Variants in C5orf58 observed in about 807,000 individuals in gnomAD.
The protein encoded by C5orf58 is putative uncharacterized protein C5orf58.
Under a neutral mutation model 2.9 loss-of-function variants are expected in C5orf58, and 2 were observed. The ratio of observed to expected loss-of-function variants is 0.69; its 90% CI spans 0.28 to 2.18. The LOEUF (loss-of-function observed/expected upper bound fraction) is 2.18. Ranked by LOEUF, C5orf58 falls within the 30% of genes most tolerant of loss-of-function variation. The pLI is 0.13. For missense variants in C5orf58, 96 were observed against 91.7 expected (o/e 1.05, Z -0.19); for synonymous variants, 37 against 33.4 (o/e 1.11, Z -0.37).
chr5:170,244,934 A>G (rs1207679076), intron 3 of C5orf58, among the ~76,000 whole-genome samples: 2 of 151,876 alleles, frequency 1.3e-5, no homozygotes, highest in Non-Finnish European at 2.9e-5. Context: ...GTCTTTGATG[A>G]TGGTGATGTA....
downstream of C5orf58, chr5:170,248,899 A>ATATTATGCAG: frequency 1.4e-6 from 2 of 1,387,498 alleles, no homozygotes; most frequent in Non-Finnish European, 2.0e-6. Context: ...TTATCTGCAT[A>ATATTATGCAG]ATATATGCTG....
intron 3 of C5orf58, among the ~76,000 whole-genome samples, chr5:170,241,649 G>A (rs1561958834): frequency 2.6e-5 from 4 of 150,998 alleles, no homozygotes; most frequent in Admixed American, 2.6e-4. Context: ...CTTTGCTGAA[G>A]TTGCTTATCA....
At chr5:170,249,657 A>C (rs557064016), downstream of C5orf58, among the ~76,000 whole-genome samples, 3 of 152,206 alleles carry the variant, frequency 2.0e-5, no homozygotes, top group East Asian at 5.8e-4. Context: ...CTGTGTCCTC[A>C]CTGCCACCTT....
chr5:170,240,088 C>G (rs1760926203), intron 3 of C5orf58, among the ~76,000 whole-genome samples: 1 of 150,302 alleles, frequency 6.7e-6, no homozygotes, highest in Non-Finnish European at 1.5e-5. Flanking sequence ...ATCCATGTCC[C>G]TACAAAGGAC....
downstream of C5orf58, among the ~76,000 whole-genome samples, chr5:170,250,411 CCA>C (rs1348424031): frequency 1.3e-5 from 2 of 152,126 alleles, no homozygotes; most frequent in African/African-American, 4.8e-5. Context: ...TAAAATTATG[CCA>C]CAGAGGTGAA....
rs139209502 is a variant in C5orf58, at chr5:170,245,796, G to A, written c.95-166G>A. ...TCCTATTCAGCCATCTTGGCTCCTC[G>A]AGAGCATAAATCTTATTTTAAGTCA... On this transcript the variant is annotated intron_variant, in intron 3 of 3. Transcript: ENST00000593851. Among the ~76,000 whole-genome samples, 146 of 152,224 alleles carry A rather than the reference G, an allele frequency of 9.6e-4. 1 individual carries two copies. Among genetic ancestry groups the A allele is most frequent in the Admixed American group, 1.8e-3 (28 of 15,290 alleles).
At chr5:170,251,648 T>G (rs1761446035) in exon 3 of C5orf58, 1 of 456,100 alleles carries the variant, frequency 2.2e-6, no homozygotes, top group Non-Finnish European at 4.4e-6. Context: ...TTATTGCAAG[T>G]TAATTGAGCC....
At chr5:170,250,960 A>G, downstream of C5orf58, 3 of 1,196,694 alleles carry the variant, frequency 2.5e-6, no homozygotes, top group South Asian at 1.3e-5. Flanking sequence ...GTAGTAGACA[A>G]GCCTCTAGGG....
At chr5:170,247,877 G>C (rs1215580726), downstream of C5orf58, 1 of 152,352 alleles carries the variant, frequency 6.6e-6, no homozygotes, top group Non-Finnish European at 1.5e-5. Context: ...GTGGGGGGCT[G>C]TGATGGTTGG....
chr5:170,247,197 T>A (rs897932250), downstream of C5orf58: 1 of 152,212 alleles, frequency 6.6e-6, no homozygotes, highest in Non-Finnish European at 1.5e-5. Context: ...ACTTGCTGAA[T>A]AGCCCGTTGT....
downstream of C5orf58, among the ~76,000 whole-genome samples, chr5:170,249,635 A>G (rs371094714): frequency 1.3e-5 from 2 of 152,200 alleles, no homozygotes; most frequent in East Asian, 3.9e-4. Context: ...GAGTTCCTTC[A>G]TGATCTCTCT....
chr5:170,233,114 C>A, intron 1 of C5orf58, 107 bp downstream of exon 1: 1 of 379,274 alleles, frequency 2.6e-6, no homozygotes, highest in Non-Finnish European at 3.6e-6. Flanking sequence ...CACCACCCAA[C>A]GGGTGGGCGG....
downstream of C5orf58, among the ~76,000 whole-genome samples, chr5:170,250,539 A>G (rs1270890298): frequency 6.6e-6 from 1 of 152,278 alleles, no homozygotes; most frequent in Non-Finnish European, 1.5e-5. Flanking sequence ...TATACAAGAA[A>G]GAATCCTATG....
intron 3 of C5orf58, among the ~76,000 whole-genome samples, chr5:170,241,677 G>A (rs1447130222): frequency 6.7e-6 from 1 of 149,130 alleles, no homozygotes. Context: ...GAGATTTTGG[G>A]CTGAGACGAT....
At chr5:170,234,229 A>T in intron 2 of C5orf58, 31 bp downstream of exon 2, 1 of 1,303,876 alleles carries the variant, frequency 7.7e-7, no homozygotes. Flanking sequence ...TTGGACAAGC[A>T]GCTTGACCCA....
intron 3 of C5orf58, among the ~76,000 whole-genome samples, chr5:170,243,107 CTG>C (rs1277912947): frequency 6.7e-6 from 1 of 149,576 alleles, no homozygotes; most frequent in African/African-American, 2.5e-5. Flanking sequence ...ATTCTTAATC[CTG>C]AGTTCTAGTT....
At chr5:170,249,623 A>G (rs568218589), downstream of C5orf58, among the ~76,000 whole-genome samples, 1 of 152,250 alleles carries the variant, frequency 6.6e-6, no homozygotes, top group African/African-American at 2.4e-5. Context: ...AGCATGGCAC[A>G]GGAGTTCCTT....
intron 3 of C5orf58, among the ~76,000 whole-genome samples, chr5:170,238,611 A>C (rs1241486703): frequency 1.3e-5 from 2 of 152,212 alleles, no homozygotes; most frequent in Non-Finnish European, 2.9e-5. Flanking sequence ...ACCACAGTGC[A>C]TGAAAATAGG....
downstream of C5orf58, among the ~76,000 whole-genome samples, chr5:170,249,020 A>T (rs1482144580): frequency 1.3e-5 from 2 of 152,190 alleles, no homozygotes; most frequent in African/African-American, 2.4e-5. Flanking sequence ...CCAACAAACC[A>T]TAGATAAAGA....
Sources: gnomAD v4.1 joint callset for allele counts (sites outside exome capture counted in the v4.1 genomes callset) on GRCh38, gnomAD v4.1.1 for gene constraint, MANE v1.5 for transcripts, NCBI Gene and HGNC (gene_info 2026-07-23, HGNC 2026-07-21) for gene names.